The following CELSR1 variants were observed in gnomAD, a reference collection of about 807,000 sequenced individuals.
The protein encoded by CELSR1 is adhesion G protein-coupled receptor C1.
Under a neutral mutation model 249.1 loss-of-function variants are expected in CELSR1, and 110 were observed. The observed-to-expected ratio is 0.44, with a 90% CI of 0.38 to 0.52. The LOEUF (loss-of-function observed/expected upper bound fraction) is 0.52. CELSR1 is among the 20% of genes least tolerant of loss of function. CELSR1 has a pLI of 0.00. For missense variants in CELSR1, 4,109 were observed against 4,296.4 expected (o/e 0.96, Z 1.22); for synonymous variants, 2,113 against 1,900.0 (o/e 1.11, Z -2.92).
In CELSR1 at chr22:46,534,312, C is replaced by G; in HGVS notation, c.2859G>C (p.Gln953His). 6.2e-7 allele frequency: 1 copy of G among 1,613,136 alleles called. No individual in the cohort carries two copies. The highest frequency in any genetic ancestry group is 8.5e-7 in the Non-Finnish European group (1 of 1,180,024). The change falls in exon 1 of 35, where the codon CAG (glutamine) becomes CAC (histidine). Residue 953 changes from glutamine (Q) to histidine (H), a missense_variant. Gln to His is a conservative substitution (Grantham distance 24). Coordinates refer to ENST00000674500, the MANE Select transcript of CELSR1 (RefSeq NM_001378328.1). This position sits in a 1 kb window ranked among gnomAD's most constrained non-coding sequence, Gnocchi z 9.7. ...CCACATTCTCCCGGTCCAGCCGGCG[C>G]TGGGTGCGAATCACACCGGACGTGG... ...IEPTSGVIRT[Q>H]RRLDRENVAV...
At chr22:46,533,490 C>T (rs532396297) in intron 1 of CELSR1, 137 bp downstream of exon 1, 21 of 1,292,376 alleles carry the variant, frequency 1.6e-5, no homozygotes, top group South Asian at 9.2e-5. Context: ...ATCCAACCGG[C>T]GGCAACAAAT....
chr22:46,388,281 G>A (rs1475038555), intron 18 of CELSR1, among the ~76,000 whole-genome samples: 1 of 151,982 alleles, frequency 6.6e-6, no homozygotes, highest in South Asian at 2.1e-4. Context: ...CCCGGGAGGT[G>A]GAGGTTGCAG....
At chr22:46,493,876 CCATTTTTCTTTATATATTACCTAGTCT>C (rs1429136595) in intron 1 of CELSR1, among the ~76,000 whole-genome samples, 5 of 152,130 alleles carry the variant, frequency 3.3e-5, no homozygotes, top group African/African-American at 7.2e-5. Flanking sequence ...GTCAATTAAA[CCATTTTTCTTTATATATTACCTAGTCT>C]CAGGTATGTC....
chr22:46,376,987 T>TG, intron 24 of CELSR1, 74 bp downstream of exon 24: 1 of 1,488,766 alleles, frequency 6.7e-7, no homozygotes, highest in Non-Finnish European at 9.2e-7. Flanking sequence ...GTGCTTGGAG[T>TG]GGCCAGGACA....
intron 9 of CELSR1, among the ~76,000 whole-genome samples, chr22:46,400,430 G>A (rs1010240140): frequency 2.0e-5 from 3 of 149,498 alleles, no homozygotes; most frequent in Non-Finnish European, 4.5e-5. Context: ...CTGAGGTCAC[G>A]AGTTCAAGAC....
chr22:46,372,782 T>A lies in CELSR1; in HGVS notation c.7759+101A>T, dbSNP rs184260626. ...TCCTCTGCTGGGGGCTGGACAAGCA[T>A]TGGGGCTGGGCAGGGAAGAGAAAGG... On this transcript the variant is annotated intron_variant, in intron 25 of 34. Transcript: ENST00000674500. 1.0e-4 allele frequency: 142 copies of A among 1,411,014 alleles called. No individual in the cohort carries two copies. The African/African-American group carries it at 1.1e-3, about 11-fold the overall frequency. 87.4% of individuals were successfully genotyped at this position (1,411,014 alleles called of 1,614,324 possible).
chr22:46,513,918 C>CA (rs1049835439), intron 1 of CELSR1, among the ~76,000 whole-genome samples: 2 of 150,350 alleles, frequency 1.3e-5, no homozygotes, highest in African/African-American at 4.8e-5. Context: ...TCAGCCCCCC[C>CA]CGAGTAGCTG....
intron 5 of CELSR1, among the ~76,000 whole-genome samples, chr22:46,419,204 G>A (rs2079437395): frequency 6.6e-6 from 1 of 152,152 alleles, no homozygotes; most frequent in Admixed American, 6.6e-5. Flanking sequence ...AGGTGTTTTG[G>A]GAGCCTGGGA....
At chr22:46,511,116 A>AC (rs775269464) in intron 1 of CELSR1, among the ~76,000 whole-genome samples, 18 of 74,924 alleles carry the variant, frequency 2.4e-4, no homozygotes, top group Non-Finnish European at 3.1e-4. Flanking sequence ...TTCGTCTCAA[A>AC]AACACACACA....
At position 46,411,591 on chromosome 22, in the gene CELSR1, G is replaced by A. The variant is rs1416128906; in HGVS notation, c.4769+11C>T. ...ACGGACCCCCAGGGCCTCCCCTCCTGGGATGCTCACTTCTTGGAGCCGGTC... is the reference window on the plus strand; with the variant it reads ...ACGGACCCCCAGGGCCTCCCCTCCTAGGATGCTCACTTCTTGGAGCCGGTC... On this transcript the variant is annotated intron_variant, in intron 6 of 34. Coordinates refer to ENST00000674500, the MANE Select transcript of CELSR1 (RefSeq NM_001378328.1). The surrounding 1 kb of genome is among the most constrained non-coding windows in gnomAD (Gnocchi z 4.2). 1 of 1,613,980 alleles carries A rather than the reference G, an allele frequency of 6.2e-7. No individual in the cohort carries two copies. The highest frequency in any genetic ancestry group is 8.5e-7 in the Non-Finnish European group (1 of 1,179,984).
Position 46,485,977 on chromosome 22 carries a change from G to A in CELSR1, c.3545-21632C>T, listed in dbSNP as rs575098108. 5.0e-3 allele frequency among the ~76,000 whole-genome samples: 650 copies of A among 129,526 alleles called. 11 individuals are homozygous for A. The highest frequency in any genetic ancestry group is 7.7e-3 in the Non-Finnish European group (506 of 65,306). The allele number at this position is 129,526 out of a possible 152,430, so 85.0% of individuals were successfully genotyped here. A position where few individuals can be genotyped will look rare whatever the true frequency, so the allele number is the denominator to read the frequency against. ...TTTTGAGACTGAGTCTCGCTTTGTC[G>A]CCCAGGCCGGAGTGCAGTGGCGTGA... On this transcript the variant is annotated intron_variant, in intron 1 of 34. Transcript: ENST00000674500.
At chr22:46,379,094 T>C (rs9626859) in intron 22 of CELSR1, among the ~76,000 whole-genome samples, 26,328 of 152,266 alleles carry the variant, frequency 0.17, 5,073 homozygotes, top group African/African-American at 0.48. Context: ...TCCGCCCCGC[T>C]GCTGGAACCA....
In CELSR1 at chr22:46,447,945, A is replaced by G. The variant is rs1269320515; in HGVS notation, c.4184-8534T>C. On this transcript the variant is annotated intron_variant, in intron 2 of 34. Transcript: ENST00000674500. This position sits in a 1 kb window ranked among gnomAD's most constrained non-coding sequence, Gnocchi z 4.7. The stretch of plus-strand genomic sequence containing the variant: ...AGAAAAGCATTCTTAACGGCAAAAG[A>G]AAAGCTCCCAGGAGCCAAGGCCCAT... Among the ~76,000 whole-genome samples, 2 of 152,334 alleles carry G rather than the reference A, an allele frequency of 1.3e-5. No individual in the cohort carries two copies. Among genetic ancestry groups the G allele is most frequent in the East Asian group, 1.9e-4 (1 of 5,174 alleles).
chr22:46,394,380 T>C, intron 13 of CELSR1, 118 bp from the exon 14 acceptor site: 1 of 1,230,848 alleles, frequency 8.1e-7, no homozygotes, highest in Non-Finnish European at 1.1e-6. Flanking sequence ...GGTCCAGCTC[T>C]GGGAGCTTCC....
Position 46,382,034 on chromosome 22 carries a change from C to A in CELSR1, c.6900G>T (p.Arg2300Ser). The A allele has an allele frequency of 6.5e-7, 1 of 1,544,690 alleles. No homozygotes were observed. The highest frequency in any genetic ancestry group is 8.7e-7 in the Non-Finnish European group (1 of 1,144,816). The part of the protein sequence containing the change: ...PPEEKEGPLL[R>S]PAGRRTTPQT... ...GCGGGGTGGTCCTCCGGCCAGCCGG[C>A]CTCAGCAGGGGGCCTTCTGCAATGT... The change falls in exon 21 of 35, where the codon AGG becomes AGT. Residue 2300 changes from arginine to serine, a missense_variant. Physicochemically the swap from Arg to Ser is moderately radical, Grantham distance 110 (BLOSUM62 -1). Around this residue, in one of 7 missense-constraint regions of CELSR1, gnomAD observed 1,805 missense variants for 1,831.6 expected, o/e 0.99. Transcript: ENST00000674500.
rs1322427864 is a variant in CELSR1, at chr22:46,445,362, C to T, written c.4184-5951G>A. On this transcript the variant is annotated intron_variant, in intron 2 of 34. Transcript: ENST00000674500. The surrounding 1 kb of genome is among the most constrained non-coding windows in gnomAD (Gnocchi z 4.4). Reference sequence around the variant, plus strand: ...TATAAAAATTAGCCGGGTATGGTGGCGCATGCCTGTAGTCCCAGCTACTAG... The same window carrying T: ...TATAAAAATTAGCCGGGTATGGTGGTGCATGCCTGTAGTCCCAGCTACTAG... Among the ~76,000 whole-genome samples, 4 of 152,144 alleles carry T rather than the reference C, an allele frequency of 2.6e-5. No homozygotes were observed. Among genetic ancestry groups the T allele is most frequent in the East Asian group, 1.9e-4 (1 of 5,172 alleles).
intron 24 of CELSR1, among the ~76,000 whole-genome samples, chr22:46,376,120 C>A (rs902364088): frequency 6.6e-6 from 1 of 152,194 alleles, no homozygotes; most frequent in African/African-American, 2.4e-5. Flanking sequence ...TCCCCTAGTC[C>A]TAGTCTGTTC....
At chr22:46,369,911 T>C in intron 25 of CELSR1, 107 bp from the exon 26 acceptor site, 16 of 919,468 alleles carry the variant, frequency 1.7e-5, no homozygotes, top group Non-Finnish European at 2.4e-5. Flanking sequence ...AGCATCTCCC[T>C]TCTCAGAGGA....
intron 2 of CELSR1, among the ~76,000 whole-genome samples, chr22:46,462,146 T>C (rs758799820): frequency 5.3e-5 from 8 of 152,178 alleles, no homozygotes; most frequent in Non-Finnish European, 1.2e-4. Flanking sequence ...AGCCCCGGTA[T>C]AGCCAGGAAT....
Sources: allele counts gnomAD v4.1 joint callset (sites outside exome capture counted in the v4.1 genomes callset), GRCh38; gene constraint gnomAD v4.1.1; regional missense constraint gnomAD v4.1.1; non-coding constraint Gnocchi (gnomAD v3.1); transcripts MANE v1.5; gene names NCBI Gene and HGNC (gene_info 2026-07-23, HGNC 2026-07-21).